Variants in BZW1 observed in about 807,000 individuals in gnomAD.
The protein encoded by BZW1 is basic leucine zipper and W2 domains 1, also known as eIF5-mimic protein 2.
A neutral mutation model predicts 54.1 loss-of-function variants in BZW1; 3 were observed. That is an observed-to-expected ratio of 0.06 (90% confidence interval 0.03 to 0.14). The LOEUF is 0.14. Among genes scored for constraint, BZW1 ranks in the 10% least tolerant of loss-of-function variants. The pLI, the probability that BZW1 is intolerant of heterozygous loss-of-function variation, is 1.00. For missense variants in BZW1, 206 were observed against 491.7 expected (o/e 0.42, Z 5.50); for synonymous variants, 152 against 162.7 (o/e 0.93, Z 0.50).
intron 10 of BZW1, among the ~76,000 whole-genome samples, chr2:200,820,785 C>T (rs960271712): frequency 6.6e-6 from 1 of 152,146 alleles, no homozygotes; most frequent in Non-Finnish European, 1.5e-5. Context: ...TGCTTCTGTT[C>T]ATCTTACTCC....
rs1207196900 is a variant in BZW1, at chr2:200,824,992, C to G, written c.*2814C>G. Reference sequence around the variant, plus strand: ...CAGCTAGACTTTTTTCTAATAGAGTCCCCCATAAATTTTATTACCATAGAT... The same window carrying G: ...CAGCTAGACTTTTTTCTAATAGAGTGCCCCATAAATTTTATTACCATAGAT... On this transcript the variant is annotated 3_prime_UTR_variant, in exon 12 of 12. Transcript: ENST00000409600. The G allele has an allele frequency of 1.3e-5, 2 of 151,620 alleles. No homozygotes were observed. The highest frequency in any genetic ancestry group is 3.5e-3 in the Middle Eastern group (1 of 288). 9.4% of individuals were successfully genotyped at this position (151,620 alleles called of 1,614,324 possible).
intron 1 of BZW1, chr2:200,812,237 G>C: frequency 8.1e-7 from 1 of 1,229,298 alleles, no homozygotes; most frequent in East Asian, 3.2e-5. Context: ...TGCGAAGGCA[G>C]TGGCCGAGGC....
intron 11 of BZW1, among the ~76,000 whole-genome samples, chr2:200,821,893 A>G (rs374255169): frequency 6.6e-6 from 1 of 152,192 alleles, no homozygotes; most frequent in South Asian, 2.1e-4. Flanking sequence ...CAACATGGGA[A>G]ACCCAGTCTC....
At position 200,824,848 on chromosome 2, in the gene BZW1, AT is replaced by A. The variant is rs748558890; in HGVS notation, c.*2675del. The A allele has an allele frequency of 8.0e-5, 12 of 150,208 alleles. No homozygotes were observed. The East Asian group carries it at 1.2e-3, about 15-fold the overall frequency. 9.3% of individuals were successfully genotyped at this position (150,208 alleles called of 1,614,324 possible). On this transcript the variant is annotated 3_prime_UTR_variant, in exon 12 of 12. Coordinates refer to ENST00000409600, the MANE Select transcript of BZW1 (RefSeq NM_001207067.2). Reference sequence around the variant, plus strand: ...CACCATGCCCGACTAATTTTTTTGTATTTTTAGTAGAGACGAGGTTTCACCG... The same window carrying A: ...CACCATGCCCGACTAATTTTTTTGTATTTTAGTAGAGACGAGGTTTCACCG...
chr2:200,815,190 C>A, intron 2 of BZW1, 151 bp from the exon 3 acceptor site: 1 of 773,106 alleles, frequency 1.3e-6, no homozygotes, highest in Non-Finnish European at 2.0e-6. Context: ...TGTGAGTGGG[C>A]CATCTTGTCT....
rs1174234369 is a variant in BZW1 at position 200,823,348 on chromosome 2, A to G, written c.*1170A>G. On this transcript the variant is annotated 3_prime_UTR_variant, in exon 12 of 12. Transcript: ENST00000409600. ...ATGAGCCAAATACTTCTTGGTATAC[A>G]ATTGATCCATTTATTTTAATGGCTG... 1 of 157,978 alleles carries G rather than the reference A, an allele frequency of 6.3e-6. No individual in the cohort carries two copies. The highest frequency in any genetic ancestry group is 2.4e-5 in the African/African-American group (1 of 41,438). The allele number at this position is 157,978 out of a possible 1,614,324, so 9.8% of individuals were successfully genotyped here. A position where few individuals can be genotyped will look rare whatever the true frequency, so the allele number is the denominator to read the frequency against.
At chr2:200,821,013 C>T (rs1173641502) in intron 10 of BZW1, among the ~76,000 whole-genome samples, 170 bp from the exon 11 acceptor site, 1 of 152,194 alleles carries the variant, frequency 6.6e-6, no homozygotes, top group Non-Finnish European at 1.5e-5. Flanking sequence ...GTCTTGATCC[C>T]GTTGAGTGTA....
At chr2:200,813,492 T>C in intron 2 of BZW1, 1 of 424,676 alleles carries the variant, frequency 2.4e-6, no homozygotes, top group Non-Finnish European at 4.2e-6. Context: ...AATATATCTC[T>C]AAGCCGGTTA....
rs2038406729 is a variant in BZW1, at chr2:200,819,105, G to A, written c.966+204G>A. 4 of 596,268 alleles carry A rather than the reference G, an allele frequency of 6.7e-6. No individual in the cohort carries two copies. In the South Asian group the frequency reaches 7.6e-5, roughly 11 times the overall value. 36.9% of individuals were successfully genotyped at this position (596,268 alleles called of 1,614,324 possible). A position where few individuals can be genotyped will look rare whatever the true frequency, so the allele number is the denominator to read the frequency against. On this transcript the variant is annotated intron_variant, in intron 9 of 11. Transcript: ENST00000409600. The stretch of plus-strand genomic sequence containing the variant: ...GTTCACAGGTTAAAAACAAGAATAT[G>A]GCCTGGCCAGGCACAATGGCTCACG...
chr2:200,814,244 T>G (rs1373649186), intron 2 of BZW1, among the ~76,000 whole-genome samples: 1 of 152,218 alleles, frequency 6.6e-6, no homozygotes, highest in Non-Finnish European at 1.5e-5. Flanking sequence ...TAATAGCAAG[T>G]AGCTTTAGCA....
rs1383401172 is a variant in BZW1 at position 200,826,447 on chromosome 2, CAG to C, written c.*4272_*4273del. ...TTTTTTTTTTTTTTTTTTTTTGAGA[CAG>C]AGTCTCGCTCTGTCGCCCAGGCGGG... On this transcript the variant is annotated 3_prime_UTR_variant, in exon 12 of 12. Coordinates refer to ENST00000409600, the MANE Select transcript of BZW1 (RefSeq NM_001207067.2). 2 of 71,870 alleles carry C rather than the reference CAG, an allele frequency of 2.8e-5. No individual in the cohort carries two copies. The highest frequency in any genetic ancestry group is 7.8e-4 in the East Asian group (2 of 2,574). 4.5% of individuals were successfully genotyped at this position (71,870 alleles called of 1,614,324 possible).
chr2:200,816,978 G>C lies in BZW1; in HGVS notation c.403-128G>C. ...TTCAGCTAATGAGTATTGTAACTTA[G>C]ATGTAAACTTGGATGGTTAGATCCC... On this transcript the variant is annotated intron_variant, in intron 5 of 11. Coordinates refer to ENST00000409600, the MANE Select transcript of BZW1 (RefSeq NM_001207067.2). 1.8e-6 allele frequency: 2 copies of C among 1,095,160 alleles called. 1 individual carries two copies. The highest frequency in any genetic ancestry group is 3.2e-5 in the South Asian group (2 of 62,686). The allele number at this position is 1,095,160 out of a possible 1,614,324, so 67.8% of individuals were successfully genotyped here.
intron 2 of BZW1, 120 bp from the exon 3 acceptor site, chr2:200,815,221 A>C: frequency 5.7e-6 from 6 of 1,057,494 alleles, no homozygotes; most frequent in Non-Finnish European, 8.0e-6. Flanking sequence ...GAGGGGAAAC[A>C]TGCAAAGGAT....
chr2:200,822,021 A>C (rs547569382), intron 11 of BZW1, 126 bp from the exon 12 acceptor site: 3 of 828,614 alleles, frequency 3.6e-6, no homozygotes, highest in South Asian at 3.1e-5. Context: ...GTGAGCCAAG[A>C]GGGTGCTGCT....
intron 2 of BZW1, 117 bp downstream of exon 2, chr2:200,813,398 A>G (rs181583513): frequency 1.1e-6 from 1 of 903,806 alleles, no homozygotes. Context: ...CCAGAAAGAA[A>G]CTTGAATTTC....
intron 1 of BZW1, chr2:200,812,943 G>A: frequency 1.5e-6 from 1 of 673,570 alleles, no homozygotes; most frequent in Non-Finnish European, 2.8e-6. Context: ...TATGACGGGT[G>A]ATCACTGTAG....
chr2:200,824,851 T>A lies in BZW1; in HGVS notation c.*2673T>A, dbSNP rs1019377370. ...CATGCCCGACTAATTTTTTTGTATT[T>A]TTAGTAGAGACGAGGTTTCACCGGA... On this transcript the variant is annotated 3_prime_UTR_variant, in exon 12 of 12. Coordinates refer to ENST00000409600, the MANE Select transcript of BZW1 (RefSeq NM_001207067.2). 6.6e-6 allele frequency: 1 copy of A among 152,084 alleles called. No homozygotes were observed. 9.4% of individuals were successfully genotyped at this position (152,084 alleles called of 1,614,324 possible). A position where few individuals can be genotyped will look rare whatever the true frequency, so the allele number is the denominator to read the frequency against.
At chr2:200,820,146 A>G in intron 10 of BZW1, 26 bp downstream of exon 10, 1 of 1,495,944 alleles carries the variant, frequency 6.7e-7, no homozygotes, top group South Asian at 1.3e-5. Flanking sequence ...AATTTTGTAA[A>G]TAACACTTAA....
At chr2:200,814,319 C>G (rs1432368807) in intron 2 of BZW1, among the ~76,000 whole-genome samples, 2 of 152,174 alleles carry the variant, frequency 1.3e-5, no homozygotes, top group Non-Finnish European at 2.9e-5. Context: ...GATTCGTGGC[C>G]TGGCTGTTGA....
Sources: allele counts gnomAD v4.1 joint callset (sites outside exome capture counted in the v4.1 genomes callset), GRCh38; gene constraint gnomAD v4.1.1; transcripts MANE v1.5; gene names NCBI Gene and HGNC (gene_info 2026-07-23, HGNC 2026-07-21).